Variants in CNBD1 observed in about 807,000 individuals in gnomAD.
CNBD1 encodes cyclic nucleotide-binding domain-containing protein 1.
Under a neutral mutation model 54.4 loss-of-function variants are expected in CNBD1, and 71 were observed. The ratio of observed to expected loss-of-function variants is 1.30; its 90% CI spans 1.08 to 1.59. CNBD1 has a LOEUF of 1.59. CNBD1 is among the 40% of genes most tolerant of loss of function. The pLI, the probability that CNBD1 is intolerant of heterozygous loss-of-function variation, is 0.00. For synonymous variants in CNBD1, 182 were observed against 170.7 expected (o/e 1.07, Z -0.51); for missense variants, 659 against 518.0 (o/e 1.27, Z -2.64).
intron 8 of CNBD1, among the ~76,000 whole-genome samples, chr8:87,340,171 G>T (rs547068978): frequency 6.6e-6 from 1 of 152,210 alleles, no homozygotes; most frequent in African/African-American, 2.4e-5. Flanking sequence ...TTTGTTGATG[G>T]CACTTTTCTT....
At chr8:87,156,271 A>G (rs1430650340) in intron 4 of CNBD1, among the ~76,000 whole-genome samples, 1 of 40,786 alleles carries the variant, frequency 2.5e-5, no homozygotes, top group African/African-American at 1.8e-4. Flanking sequence ...ACACACACAT[A>G]TGTCACTCTG....
chr8:87,179,826 C>T (rs1279138259), intron 4 of CNBD1, among the ~76,000 whole-genome samples: 2 of 152,078 alleles, frequency 1.3e-5, no homozygotes, highest in Non-Finnish European at 2.9e-5. Context: ...AAATCAGCAT[C>T]GTTTTTAATG....
At chr8:87,291,979 A>G (rs1808794864) in intron 8 of CNBD1, among the ~76,000 whole-genome samples, 1 of 152,230 alleles carries the variant, frequency 6.6e-6, no homozygotes, top group Non-Finnish European at 1.5e-5. Flanking sequence ...GTTTACCCTT[A>G]GACCAAAGTT....
At chr8:87,265,244 T>C (rs184674510) in intron 6 of CNBD1, among the ~76,000 whole-genome samples, 1 of 152,186 alleles carries the variant, frequency 6.6e-6, no homozygotes, top group East Asian at 1.9e-4. Flanking sequence ...CCAGCACCAT[T>C]TATTAAATAG....
intron 4 of CNBD1, among the ~76,000 whole-genome samples, chr8:87,140,502 CAG>C (rs1426820915): frequency 6.6e-6 from 1 of 151,984 alleles, no homozygotes; most frequent in African/African-American, 2.4e-5. Flanking sequence ...TTCTAAAAAA[CAG>C]TGAATGGAAA....
chr8:86,964,915 CA>C (rs1808031181), intron 4 of CNBD1, among the ~76,000 whole-genome samples: 1 of 152,196 alleles, frequency 6.6e-6, no homozygotes, highest in South Asian at 2.1e-4. Context: ...GGTCCCTTCA[CA>C]TAAGGGACGT....
intron 2 of CNBD1, among the ~76,000 whole-genome samples, chr8:87,418,277 A>G (rs923299837): frequency 2.0e-5 from 3 of 152,120 alleles, no homozygotes; most frequent in Non-Finnish European, 4.4e-5. Context: ...ACACCAAGAC[A>G]ATTTCAACAA....
intron 4 of CNBD1, among the ~76,000 whole-genome samples, chr8:87,065,524 T>G (rs1297184074): frequency 1.3e-5 from 2 of 151,908 alleles, no homozygotes; most frequent in Admixed American, 6.6e-5. Context: ...TTGCCCTTAT[T>G]ATGAGAATGC....
At chr8:87,229,912 A>T (rs1480883086) in intron 5 of CNBD1, among the ~76,000 whole-genome samples, 1 of 152,228 alleles carries the variant, frequency 6.6e-6, no homozygotes, top group Non-Finnish European at 1.5e-5. Context: ...ATAATGTATT[A>T]GTCCGTTTTC....
At chr8:87,068,826 A>T (rs1810705821) in intron 4 of CNBD1, among the ~76,000 whole-genome samples, 1 of 152,010 alleles carries the variant, frequency 6.6e-6, no homozygotes, top group Non-Finnish European at 1.5e-5. Context: ...CTCAGCCAAG[A>T]GGGAAGTGCT....
At chr8:87,365,238 T>C (rs1810619194) in intron 10 of CNBD1, among the ~76,000 whole-genome samples, 1 of 152,088 alleles carries the variant, frequency 6.6e-6, no homozygotes, top group Admixed American at 6.6e-5. Flanking sequence ...TAGGTTTTGA[T>C]TTTCTTTTCT....
chr8:87,321,078 A>G (rs183497962), intron 8 of CNBD1, among the ~76,000 whole-genome samples: 6 of 146,732 alleles, frequency 4.1e-5, no homozygotes, highest in African/African-American at 1.5e-4. Context: ...CATTTTATTT[A>G]CCCATTCTTT....
intron 8 of CNBD1, among the ~76,000 whole-genome samples, 167 bp from the exon 9 acceptor site, chr8:87,351,518 G>A (rs557246565): frequency 8.7e-4 from 132 of 152,088 alleles, no homozygotes; most frequent in Non-Finnish European, 1.5e-3. Flanking sequence ...AATACTGGGC[G>A]TAATCTTTTA....
intron 2 of CNBD1, among the ~76,000 whole-genome samples, chr8:87,397,515 A>G (rs1318402026): frequency 6.6e-6 from 1 of 151,958 alleles, no homozygotes; most frequent in African/African-American, 2.4e-5. Flanking sequence ...CTAATGGCAG[A>G]TAGTTCATGA....
chr8:87,037,049 T>C (rs542975437), intron 4 of CNBD1, among the ~76,000 whole-genome samples: 2 of 152,298 alleles, frequency 1.3e-5, no homozygotes, highest in African/African-American at 4.8e-5. Flanking sequence ...TTGTAAATTT[T>C]TTGCGACCTC....
chr8:86,936,701 C>G (rs2130418551), intron 3 of CNBD1, among the ~76,000 whole-genome samples: 1 of 147,630 alleles, frequency 6.8e-6, no homozygotes, highest in Admixed American at 6.8e-5. Flanking sequence ...TGAGATCGTA[C>G]CACTGCACTC....
At chr8:87,048,667 A>G (rs1016623748) in intron 4 of CNBD1, among the ~76,000 whole-genome samples, 1 of 152,120 alleles carries the variant, frequency 6.6e-6, no homozygotes, top group African/African-American at 2.4e-5. Context: ...TCTATTTGAC[A>G]TGGAAATGCC....
At chr8:87,228,394 G>T (rs1207412542) in intron 5 of CNBD1, among the ~76,000 whole-genome samples, 1 of 148,878 alleles carries the variant, frequency 6.7e-6, no homozygotes, top group South Asian at 2.1e-4. Flanking sequence ...GGTCTTTGAT[G>T]ATGGTGATGT....
At chr8:87,296,605 GTA>G (rs373445352) in intron 8 of CNBD1, among the ~76,000 whole-genome samples, 1 of 148,804 alleles carries the variant, frequency 6.7e-6, no homozygotes, top group African/African-American at 2.5e-5. Flanking sequence ...ATATAATTTG[GTA>G]TATATATATA....
Sources: gnomAD v4.1 joint callset for allele counts (sites outside exome capture counted in the v4.1 genomes callset) on GRCh38, gnomAD v4.1.1 for gene constraint, MANE v1.5 for transcripts, NCBI Gene and HGNC (gene_info 2026-07-23, HGNC 2026-07-21) for gene names.